The following NBPF4 variants were observed in gnomAD, a reference collection of about 807,000 sequenced individuals.
The protein encoded by NBPF4 is NBPF family member NBPF4.
Under a neutral mutation model 21.1 loss-of-function variants are expected in NBPF4, and 11 were observed. That is an observed-to-expected ratio of 0.52 (90% CI 0.33 to 0.86). NBPF4 has a LOEUF of 0.86. Among genes scored for constraint, NBPF4 ranks in the 40% least tolerant of loss-of-function variants. The probability of loss-of-function intolerance (pLI) is 0.03; values close to 1 mark genes in which losing one functional copy is unlikely to be tolerated. For synonymous variants in NBPF4, 47 were observed against 106.4 expected, an observed-to-expected ratio of 0.44 and a Z score of 3.43; for missense variants, 88 against 265.3, an observed-to-expected ratio of 0.33 and a Z score of 4.64.
chr1:108,256,474 C>G, the NBPF4 span, among the ~76,000 whole-genome samples: 1 of 129,002 alleles, frequency 7.8e-6, no homozygotes, highest in Non-Finnish European at 1.6e-5. Flanking sequence ...CTCTTCCTTC[C>G]TTCCTTCCTT....
chr1:108,256,608 CCCTCCCTT>C, the NBPF4 span, among the ~76,000 whole-genome samples: 3 of 91,882 alleles, frequency 3.3e-5, no homozygotes, highest in African/African-American at 9.4e-5. Context: ...CTCCCTCCCT[CCCTCCCTT>C]CCTTCCTTCC....
the NBPF4 span, among the ~76,000 whole-genome samples, chr1:108,257,565 T>C: frequency 6.8e-6 from 1 of 146,074 alleles, no homozygotes; most frequent in Admixed American, 6.8e-5. Flanking sequence ...TCTGATTTTT[T>C]ACTTATTTTT....
chr1:108,259,827 C>T, the NBPF4 span, among the ~76,000 whole-genome samples: 6 of 151,150 alleles, frequency 4.0e-5, no homozygotes, highest in Admixed American at 3.9e-4. Flanking sequence ...CTTAAATCTT[C>T]ATATTTGTGA....
At position 108,222,553 on chromosome 1, in the gene NBPF4, T is replaced by A. The variant is rs1475468470; in HGVS notation, c.*1152A>T. ...ATTAATTTTGGATGAAAGTTATAATTGGGGCAGAGAATATTCTTTTTCACA... is the reference window on the plus strand; with the variant it reads ...ATTAATTTTGGATGAAAGTTATAATAGGGGCAGAGAATATTCTTTTTCACA... On this transcript the variant is annotated 3_prime_UTR_variant, in exon 15 of 15. Transcript: ENST00000415641. 6.6e-6 allele frequency among the ~76,000 whole-genome samples: 1 copy of A among 152,166 alleles called. No homozygotes were observed. Among genetic ancestry groups the A allele is most frequent in the Non-Finnish European group, 1.5e-5 (1 of 68,022 alleles).
intron 14 of NBPF4, among the ~76,000 whole-genome samples, chr1:108,226,205 A>C (rs1241329871): frequency 6.6e-6 from 1 of 150,498 alleles, no homozygotes; most frequent in Non-Finnish European, 1.5e-5. Flanking sequence ...ACAAGTGATG[A>C]TTAAGAGTTG....
rs368581022 is a variant in NBPF4, at chr1:108,229,088, G to T, written c.1492C>A (p.Gln498Lys). 1 of 1,551,172 alleles carries T rather than the reference G, an allele frequency of 6.4e-7. No individual in the cohort carries two copies. The highest frequency in any genetic ancestry group is 1.2e-5 in the South Asian group (1 of 84,018). The change falls in exon 13 of 15, where the codon CAA (glutamine) becomes AAA (lysine). Residue 498 changes from glutamine to lysine, a missense_variant. This residue lies in a region of NBPF4 where 60 missense variants were observed against 86.5 expected (regional missense o/e 0.69). Transcript: ENST00000415641. Reference protein sequence around the residue: ...GDLSHHQSEVQVSQAQLEPST... With the variant: ...GDLSHHQSEVKVSQAQLEPST... ...GGTTCCAGCTGTGCCTGTGAAACTTGCACCTCTGACTGGTGGTGGCTCAAG... is the reference window on the plus strand; with the variant it reads ...GGTTCCAGCTGTGCCTGTGAAACTTTCACCTCTGACTGGTGGTGGCTCAAG...
At position 108,222,785 on chromosome 1, in the gene NBPF4, C is replaced by T. The variant is rs964693915; in HGVS notation, c.*920G>A. Among the ~76,000 whole-genome samples the T allele has an allele frequency of 1.3e-5, 2 of 152,100 alleles. No homozygotes were observed. Among genetic ancestry groups the T allele is most frequent in the Non-Finnish European group, 1.5e-5 (1 of 68,018 alleles). On this transcript the variant is annotated 3_prime_UTR_variant, in exon 15 of 15. Coordinates refer to ENST00000415641, the MANE Select transcript of NBPF4 (RefSeq NM_001143989.3). ...TGATAAAATGTTCTGAAGAAGATCACTAGAATACAGGATATTTATACTATT... is the reference window on the plus strand; with the variant it reads ...TGATAAAATGTTCTGAAGAAGATCATTAGAATACAGGATATTTATACTATT...
chr1:108,222,736 GAC>G lies in NBPF4; in HGVS notation c.*967_*968del, dbSNP rs904855391. The stretch of plus-strand genomic sequence containing the variant: ...ATGTACAAACTTAAATATAATAACT[GAC>G]ACAGACGGGGTGATTAATTGGTGAT... On this transcript the variant is annotated 3_prime_UTR_variant, in exon 15 of 15. Coordinates refer to ENST00000415641, the MANE Select transcript of NBPF4 (RefSeq NM_001143989.3). Among the ~76,000 whole-genome samples the G allele has an allele frequency of 6.6e-6, 1 of 152,184 alleles. No homozygotes were observed. Among genetic ancestry groups the G allele is most frequent in the African/African-American group, 2.4e-5 (1 of 41,450 alleles).
upstream of NBPF4, among the ~76,000 whole-genome samples, chr1:108,247,425 GTT>G (rs1307395604): frequency 2.7e-5 from 4 of 145,860 alleles, no homozygotes; most frequent in Non-Finnish European, 4.6e-5. Flanking sequence ...CCTGGAATGT[GTT>G]TGTTAACGAC....
At chr1:108,244,945 TATACACACAC>T (rs1324877800), upstream of NBPF4, among the ~76,000 whole-genome samples, 19 of 37,942 alleles carry the variant, frequency 5.0e-4, no homozygotes, top group African/African-American at 1.6e-3. Flanking sequence ...TATATATATA[TATACACACAC>T]ATATAGAGTT....
At chr1:108,259,725 T>C in the NBPF4 span, among the ~76,000 whole-genome samples, 32 of 150,838 alleles carry the variant, frequency 2.1e-4, 2 homozygotes, top group African/African-American at 7.9e-4. Flanking sequence ...AAAAAGATGA[T>C]GTAATGTTAT....
At chr1:108,245,889 C>T (rs1488114054), upstream of NBPF4, among the ~76,000 whole-genome samples, 1 of 93,784 alleles carries the variant, frequency 1.1e-5, no homozygotes, top group Non-Finnish European at 2.1e-5. Context: ...GCATTGGGAC[C>T]GAAATTCAGA....
At chr1:108,225,639 G>A (rs2101672470) in intron 14 of NBPF4, among the ~76,000 whole-genome samples, 1 of 53,620 alleles carries the variant, frequency 1.9e-5, no homozygotes, top group African/African-American at 6.5e-5. Context: ...GTGGTTCCAT[G>A]GATTTTAGCC....
the NBPF4 span, among the ~76,000 whole-genome samples, chr1:108,268,590 C>T: frequency 6.6e-6 from 1 of 151,556 alleles, no homozygotes; most frequent in Non-Finnish European, 1.5e-5. Flanking sequence ...AATGTTTAGA[C>T]TAAAACAGTG....
At chr1:108,264,469 T>G in the NBPF4 span, among the ~76,000 whole-genome samples, 1 of 105,052 alleles carries the variant, frequency 9.5e-6, no homozygotes. Context: ...ACTGTCAATA[T>G]TACACAGATC....
At chr1:108,257,439 CT>C in the NBPF4 span, among the ~76,000 whole-genome samples, 4 of 151,220 alleles carry the variant, frequency 2.6e-5, no homozygotes, top group Non-Finnish European at 4.4e-5. Flanking sequence ...AATACTAGAA[CT>C]TACTCCTTCA....
rs2992769 is a variant in NBPF4 at position 108,223,465 on chromosome 1, G to A, written c.*240C>T. The A allele has an allele frequency of 3.1e-3, 1,526 of 486,752 alleles. 11 individuals are homozygous for A. The highest frequency in any genetic ancestry group is 0.019 in the African/African-American group (911 of 47,062). 30.2% of individuals were successfully genotyped at this position (486,752 alleles called of 1,614,324 possible). On this transcript the variant is annotated 3_prime_UTR_variant, in exon 15 of 15. Coordinates refer to ENST00000415641, the MANE Select transcript of NBPF4 (RefSeq NM_001143989.3). ...GGAATTGAGAAACAGGGCTAACGCC[G>A]GTCAATGCTATTTGTCCATCTGGGC... is the stretch of plus-strand genomic sequence containing the variant.
the NBPF4 span, among the ~76,000 whole-genome samples, chr1:108,257,593 A>C: frequency 7.0e-6 from 1 of 143,540 alleles, no homozygotes; most frequent in Non-Finnish European, 1.5e-5. Flanking sequence ...TATAGATGTC[A>C]TACCCATTTG....
At position 108,223,454 on chromosome 1, in the gene NBPF4, G is replaced by C. The variant is rs2101668255; in HGVS notation, c.*251C>G. The C allele has an allele frequency of 2.1e-6, 1 of 477,722 alleles. No individual in the cohort carries two copies. Among genetic ancestry groups the C allele is most frequent in the East Asian group, 3.8e-5 (1 of 26,600 alleles). 29.6% of individuals were successfully genotyped at this position (477,722 alleles called of 1,614,324 possible). A position where few individuals can be genotyped will look rare whatever the true frequency, so the allele number is the denominator to read the frequency against. On this transcript the variant is annotated 3_prime_UTR_variant, in exon 15 of 15. Transcript: ENST00000415641. ...TCTACACGATGGGAATTGAGAAACA[G>C]GGCTAACGCCGGTCAATGCTATTTG...
Sources: gnomAD v4.1 joint callset for allele counts (sites outside exome capture counted in the v4.1 genomes callset) on GRCh38, gnomAD v4.1.1 for gene constraint, gnomAD v4.1.1 regional missense constraint, MANE v1.5 for transcripts, NCBI Gene and HGNC (gene_info 2026-07-23, HGNC 2026-07-21) for gene names.